Variants in SRRM4 observed in about 807,000 individuals in gnomAD.
SRRM4 encodes serine/arginine repetitive matrix protein 4.
In SRRM4, 33 loss-of-function variants were observed where a neutral mutation model predicts 68.9. The observed-to-expected ratio is 0.48, with a 90% CI of 0.36 to 0.64. The LOEUF (loss-of-function observed/expected upper bound fraction) is 0.64, where lower values mean the gene tolerates loss of function less well. SRRM4 is among the 30% of genes least tolerant of loss of function. The pLI is 0.00. For synonymous variants in SRRM4, 318 were observed against 318.8 expected, an observed-to-expected ratio of 1.00 and a Z score of 0.03; for missense variants, 817 against 827.1, an observed-to-expected ratio of 0.99 and a Z score of 0.15.
At chr12:119,116,750 T>C in intron 3 of SRRM4, 187 bp from the exon 4 acceptor site, 1 of 536,146 alleles carries the variant, frequency 1.9e-6, no homozygotes, top group Non-Finnish European at 3.3e-6. Flanking sequence ...AAATGAAAAG[T>C]AAAATTAAAT....
chr12:119,000,302 G>C (rs1256189620), intron 1 of SRRM4, among the ~76,000 whole-genome samples: 2 of 152,178 alleles, frequency 1.3e-5, no homozygotes, highest in Admixed American at 1.3e-4. Context: ...ACAGGAGTGA[G>C]CAAATACTTC....
At chr12:119,079,392 C>T (rs1254734854) in intron 1 of SRRM4, among the ~76,000 whole-genome samples, 1 of 152,138 alleles carries the variant, frequency 6.6e-6, no homozygotes, top group Admixed American at 6.5e-5. Flanking sequence ...ACGGTCCTAG[C>T]TGCAGTGGAC....
chr12:119,072,036 C>T (rs772710653), intron 1 of SRRM4, among the ~76,000 whole-genome samples: 20 of 152,142 alleles, frequency 1.3e-4, no homozygotes, highest in Non-Finnish European at 2.4e-4. Context: ...CCAAATGGGA[C>T]GCTGTCAGCT....
intron 12 of SRRM4, among the ~76,000 whole-genome samples, chr12:119,156,143 T>G (rs1277953546): frequency 6.6e-6 from 1 of 152,202 alleles, no homozygotes; most frequent in East Asian, 1.9e-4. Context: ...AATGGAAAAT[T>G]AGCCTCTTTT....
intron 1 of SRRM4, among the ~76,000 whole-genome samples, chr12:119,077,911 T>C (rs117357250): frequency 2.6e-5 from 4 of 152,194 alleles, no homozygotes; most frequent in African/African-American, 7.2e-5. Flanking sequence ...CTTTTCCAGA[T>C]GCCCCACATA....
Position 118,990,247 on chromosome 12 carries a change from T to G in SRRM4, c.131+8234T>G, listed in dbSNP as rs182415240. The stretch of plus-strand genomic sequence containing the variant: ...CAACATGTTTATAGGATAAGACACT[T>G]TGCAGAGGAGGAAAAAATGGTATCA... On this transcript the variant is annotated intron_variant, in intron 1 of 12. Transcript: ENST00000267260. 2.0e-5 allele frequency among the ~76,000 whole-genome samples: 3 copies of G among 152,262 alleles called. No homozygotes were observed. In the East Asian group the frequency reaches 5.8e-4, roughly 29 times the overall value.
Position 119,026,614 on chromosome 12 carries a change from C to T in SRRM4, c.131+44601C>T, listed in dbSNP as rs138975779. Reference sequence around the variant, plus strand: ...CCCCAGCTAGAGTGCAATGGCGCGACGTTGGCTCACCACAACCTCCGCCTC... The same window carrying T: ...CCCCAGCTAGAGTGCAATGGCGCGATGTTGGCTCACCACAACCTCCGCCTC... On this transcript the variant is annotated intron_variant, in intron 1 of 12. Coordinates refer to ENST00000267260, the MANE Select transcript of SRRM4 (RefSeq NM_194286.4). 3.9e-3 allele frequency among the ~76,000 whole-genome samples: 592 copies of T among 150,576 alleles called. 15 individuals are homozygous for T. The highest frequency in any genetic ancestry group is 0.013 in the African/African-American group (541 of 40,108).
At chr12:119,087,696 G>A (rs1953987889) in intron 1 of SRRM4, among the ~76,000 whole-genome samples, 2 of 152,152 alleles carry the variant, frequency 1.3e-5, no homozygotes, top group African/African-American at 4.8e-5. Context: ...GGAGAAGATG[G>A]AATAGCAGTC....
intron 1 of SRRM4, among the ~76,000 whole-genome samples, chr12:119,082,692 G>T (rs949716251): frequency 1.3e-5 from 2 of 152,186 alleles, no homozygotes; most frequent in Non-Finnish European, 2.9e-5. Context: ...CCCACCCTGG[G>T]CCTCCAGCCA....
At chr12:119,136,417 G>A (rs1322825444) in intron 8 of SRRM4, among the ~76,000 whole-genome samples, 1 of 152,160 alleles carries the variant, frequency 6.6e-6, no homozygotes, top group Non-Finnish European at 1.5e-5. Flanking sequence ...AGGAACCAAA[G>A]TACAGAAGGT....
At chr12:119,103,638 G>A (rs1357576181) in intron 2 of SRRM4, among the ~76,000 whole-genome samples, 1 of 152,196 alleles carries the variant, frequency 6.6e-6, no homozygotes, top group Non-Finnish European at 1.5e-5. Flanking sequence ...AAGGAAACAG[G>A]AAGAAAGTTG....
chr12:119,119,366 C>T (rs1190367124), intron 4 of SRRM4, among the ~76,000 whole-genome samples: 4 of 151,900 alleles, frequency 2.6e-5, no homozygotes, highest in African/African-American at 4.8e-5. Context: ...CCAATTCTCA[C>T]ATTCTAGTGG....
At chr12:119,040,561 G>A (rs900016205) in intron 1 of SRRM4, among the ~76,000 whole-genome samples, 1 of 152,106 alleles carries the variant, frequency 6.6e-6, no homozygotes, top group Admixed American at 6.6e-5. Context: ...GTATTCCATT[G>A]TGTATATATA....
intron 11 of SRRM4, 125 bp downstream of exon 11, chr12:119,153,774 T>G: frequency 1.5e-6 from 1 of 668,834 alleles, no homozygotes; most frequent in African/African-American, 1.8e-5. Context: ...TGACTCAGCA[T>G]TCTTACAGTT....
intron 1 of SRRM4, among the ~76,000 whole-genome samples, chr12:119,065,484 C>G (rs550823808): frequency 6.6e-5 from 10 of 152,094 alleles, no homozygotes; most frequent in Non-Finnish European, 1.2e-4. Flanking sequence ...TGCTTGTAAT[C>G]CCAGCACTTT....
chr12:119,144,046 C>T (rs34109560), intron 8 of SRRM4, among the ~76,000 whole-genome samples: 11,176 of 152,206 alleles, frequency 0.073, 508 homozygotes, highest in East Asian at 0.21. Flanking sequence ...TGCTTCTAAA[C>T]GCGTGCCCGC....
In SRRM4 at chr12:119,061,851, C is replaced by T. The variant is rs1024129790; in HGVS notation, c.132-40385C>T. Among the ~76,000 whole-genome samples the T allele has an allele frequency of 5.3e-5, 8 of 151,984 alleles. No individual in the cohort carries two copies. The South Asian group carries it at 1.2e-3, about 24-fold the overall frequency. On this transcript the variant is annotated intron_variant, in intron 1 of 12. Transcript: ENST00000267260. ...GACACACTAGATTCTTATTGTATTT[C>T]CCCAGTTGTGACAACCAAAAGTGTC... is the stretch of plus-strand genomic sequence containing the variant.
intron 1 of SRRM4, among the ~76,000 whole-genome samples, chr12:118,988,392 T>C (rs1953296322): frequency 6.6e-6 from 1 of 152,206 alleles, no homozygotes; most frequent in Non-Finnish European, 1.5e-5. Flanking sequence ...TCAACGCTAG[T>C]GGAGGGGAGC....
intron 9 of SRRM4, among the ~76,000 whole-genome samples, chr12:119,149,433 C>G (rs1774049335): frequency 6.6e-6 from 1 of 152,132 alleles, no homozygotes; most frequent in Non-Finnish European, 1.5e-5. Flanking sequence ...GAAAAGGTCC[C>G]CAGGGAGCTG....
Sources: gnomAD v4.1 joint callset for allele counts (sites outside exome capture counted in the v4.1 genomes callset) on GRCh38, gnomAD v4.1.1 for gene constraint, MANE v1.5 for transcripts, NCBI Gene and HGNC (gene_info 2026-07-23, HGNC 2026-07-21) for gene names.